The following ODAD2 variants were observed in gnomAD, a reference collection of about 807,000 sequenced individuals.
The protein encoded by ODAD2 is outer dynein arm-docking complex subunit 2.
A neutral mutation model predicts 106.8 loss-of-function variants in ODAD2; 89 were observed. That is an observed-to-expected ratio of 0.83 (90% confidence interval 0.70 to 0.99). The LOEUF is 0.99. ODAD2 is among the 50% of genes least tolerant of loss of function. The pLI is 0.00. For synonymous variants in ODAD2, 404 were observed against 436.2 expected, an observed-to-expected ratio of 0.93 and a Z score of 0.92; for missense variants, 1,168 against 1,238.5, an observed-to-expected ratio of 0.94 and a Z score of 0.85.
At chr10:27,920,161 G>A (rs1270432588) in intron 16 of ODAD2, among the ~76,000 whole-genome samples, 3 of 151,962 alleles carry the variant, frequency 2.0e-5, no homozygotes, top group South Asian at 2.1e-4. Flanking sequence ...ACGGGCAGCC[G>A]GGAGGTTTAT....
At chr10:27,915,063 C>G (rs60559154) in intron 16 of ODAD2, among the ~76,000 whole-genome samples, 2,533 of 152,014 alleles carry the variant, frequency 0.017, 54 homozygotes, top group African/African-American at 0.05. Context: ...AAATTGATGG[C>G]AGACATTAAT....
chr10:27,967,392 G>T (rs542295855), intron 9 of ODAD2, among the ~76,000 whole-genome samples: 101 of 152,312 alleles, frequency 6.6e-4, no homozygotes, highest in African/African-American at 2.4e-3. Flanking sequence ...GGACTCCCCC[G>T]TCACACTGTC....
At chr10:27,969,807 T>C (rs1848717692) in intron 8 of ODAD2, among the ~76,000 whole-genome samples, 1 of 152,132 alleles carries the variant, frequency 6.6e-6, no homozygotes, top group Non-Finnish European at 1.5e-5. Context: ...AAACTATTTG[T>C]TAAGCTTTAA....
At chr10:27,859,288 TG>T (rs1232935550) in intron 19 of ODAD2, among the ~76,000 whole-genome samples, 1 of 152,112 alleles carries the variant, frequency 6.6e-6, no homozygotes. Flanking sequence ...GATTTTTGCT[TG>T]AAGAAACTAA....
chr10:27,945,075 T>C (rs140634025), intron 10 of ODAD2, 113 bp from the exon 11 acceptor site: 2 of 1,249,184 alleles, frequency 1.6e-6, no homozygotes, highest in East Asian at 2.3e-5. Flanking sequence ...GGGCTAGAAT[T>C]TGTTAAATGA....
chr10:27,840,808 G>C (rs1403693295), intron 19 of ODAD2, among the ~76,000 whole-genome samples: 1 of 152,178 alleles, frequency 6.6e-6, no homozygotes, highest in African/African-American at 2.4e-5. Flanking sequence ...TTGCCCATGG[G>C]AATTCTCTTT....
At chr10:27,913,457 T>C (rs1322545364) in intron 16 of ODAD2, among the ~76,000 whole-genome samples, 4 of 152,064 alleles carry the variant, frequency 2.6e-5, no homozygotes. Flanking sequence ...GCAAAAACAA[T>C]TACAACAGAA....
At chr10:27,877,076 A>G (rs890104732) in intron 17 of ODAD2, among the ~76,000 whole-genome samples, 2 of 152,180 alleles carry the variant, frequency 1.3e-5, no homozygotes, top group East Asian at 1.9e-4. Flanking sequence ...TGAAAAAAAA[A>G]AGGCAGTTTT....
rs374919225 is a variant in ODAD2, at chr10:27,995,177, C to T, written c.-35G>A. 1.6e-5 allele frequency: 25 copies of T among 1,609,392 alleles called. No individual in the cohort carries two copies. Among genetic ancestry groups the T allele is most frequent in the Non-Finnish European group, 2.0e-5 (24 of 1,177,040 alleles). ...CGTGCTCAGACCTGAGCTTAGCACA[C>T]GCACTACATCAGAGCAGAAAGAGAA... On this transcript the variant is annotated 5_prime_UTR_variant, in exon 2 of 20. In the 5' UTR this introduces an upstream ATG that the reference lacks. Transcript: ENST00000305242.
intron 7 of ODAD2, among the ~76,000 whole-genome samples, chr10:27,973,917 T>C (rs1849022271): frequency 6.6e-6 from 1 of 152,110 alleles, no homozygotes; most frequent in Non-Finnish European, 1.5e-5. Flanking sequence ...ACGTATTCCC[T>C]TTTTTTCTGC....
chr10:27,921,780 C>T (rs188596280), intron 16 of ODAD2, among the ~76,000 whole-genome samples: 1 of 146,344 alleles, frequency 6.8e-6, no homozygotes, highest in African/African-American at 2.5e-5. Flanking sequence ...AATAATTAGA[C>T]AAGCATCAGA....
intron 19 of ODAD2, among the ~76,000 whole-genome samples, chr10:27,825,794 C>T (rs1310396543): frequency 6.6e-6 from 1 of 152,170 alleles, no homozygotes; most frequent in Non-Finnish European, 1.5e-5. Flanking sequence ...TTGCCTAGGG[C>T]ATGGAAAGCA....
chr10:27,922,153 C>A (rs200249154), intron 16 of ODAD2, among the ~76,000 whole-genome samples: 1,335 of 106,648 alleles, frequency 0.013, no homozygotes, highest in African/African-American at 0.015. Context: ...AACTCTGCCT[C>A]AAAAAAAAAA....
intron 16 of ODAD2, among the ~76,000 whole-genome samples, chr10:27,908,765 A>C (rs1310603198): frequency 6.6e-6 from 1 of 151,766 alleles, no homozygotes; most frequent in Non-Finnish European, 1.5e-5. Flanking sequence ...CCAGGGGGGA[A>C]AAATGTATTA....
intron 17 of ODAD2, among the ~76,000 whole-genome samples, chr10:27,865,941 T>A (rs1840407004): frequency 6.6e-6 from 1 of 152,206 alleles, no homozygotes; most frequent in African/African-American, 2.4e-5. Flanking sequence ...TAAATACAAT[T>A]TCTGATAGTT....
At chr10:27,825,773 C>A (rs1158211741) in intron 19 of ODAD2, among the ~76,000 whole-genome samples, 2 of 152,132 alleles carry the variant, frequency 1.3e-5, no homozygotes, top group African/African-American at 2.4e-5. Flanking sequence ...GAATCCTTTA[C>A]AAATTAGACT....
chr10:27,935,288 T>C (rs1479537588), intron 15 of ODAD2, 36 bp from the exon 16 acceptor site: 1 of 1,607,932 alleles, frequency 6.2e-7, no homozygotes. Flanking sequence ...AATTGGTTTT[T>C]GTATAAGGTT....
chr10:27,956,134 C>A (rs73606019), intron 10 of ODAD2, among the ~76,000 whole-genome samples: 9,441 of 152,222 alleles, frequency 0.062, 933 homozygotes, highest in African/African-American at 0.21. Context: ...CCCTCACCAA[C>A]CCATCATGGG....
chr10:27,895,719 A>G (rs1842815447), intron 17 of ODAD2, among the ~76,000 whole-genome samples: 1 of 152,220 alleles, frequency 6.6e-6, no homozygotes, highest in Admixed American at 6.5e-5. Context: ...ATCATCACGC[A>G]AAGTGCTATT....
Sources: allele counts gnomAD v4.1 joint callset (sites outside exome capture counted in the v4.1 genomes callset), GRCh38; gene constraint gnomAD v4.1.1; transcripts MANE v1.5; gene names NCBI Gene and HGNC (gene_info 2026-07-23, HGNC 2026-07-21).